SHPRH: variants seen among roughly 807,000 people sequenced by gnomAD.
SHPRH encodes the protein E3 ubiquitin-protein ligase SHPRH.
A neutral mutation model predicts 202.5 loss-of-function variants in SHPRH; 106 were observed. That is an observed-to-expected ratio of 0.52 (90% CI 0.45 to 0.62). SHPRH has a LOEUF of 0.62. SHPRH is among the 20% of genes least tolerant of loss of function. The pLI, the probability that SHPRH is intolerant of heterozygous loss-of-function variation, is 0.00. For missense variants in SHPRH, 1,710 were observed against 2,020.0 expected (o/e 0.85, Z 2.94); for synonymous variants, 729 against 686.0 (o/e 1.06, Z -0.98).
chr6:145,923,607 A>T (rs6923545), intron 18 of SHPRH, 36 bp downstream of exon 18: 1 of 1,600,470 alleles, frequency 6.2e-7, no homozygotes, highest in Non-Finnish European at 8.5e-7. Flanking sequence ...TGCTTTTAAA[A>T]TTATGAGTAG....
intron 14 of SHPRH, 94 bp downstream of exon 14, chr6:145,932,963 A>AT: frequency 9.0e-7 from 1 of 1,115,718 alleles, no homozygotes. Flanking sequence ...TGGGGGAAAA[A>AT]TCCCCCCCCC....
At chr6:145,880,904 A>G (rs1780534764), downstream of SHPRH, among the ~76,000 whole-genome samples, 1 of 152,182 alleles carries the variant, frequency 6.6e-6, no homozygotes, top group South Asian at 2.1e-4. Flanking sequence ...TAAAAACTTA[A>G]CTAGAATAAA....
chr6:145,879,880 C>A (rs1213351796), downstream of SHPRH, among the ~76,000 whole-genome samples: 1 of 141,816 alleles, frequency 7.1e-6, no homozygotes, highest in African/African-American at 2.6e-5. Context: ...CCATTGCACT[C>A]CAGCCTGGGT....
Position 145,921,311 on chromosome 6 carries a change from G to C in SHPRH, c.3864C>G (p.Thr1288=). 1.2e-6 allele frequency: 2 copies of C among 1,612,902 alleles called. No individual in the cohort carries two copies. Among genetic ancestry groups the C allele is most frequent in the Non-Finnish European group, 1.7e-6 (2 of 1,179,334 alleles). Reference sequence around the variant, plus strand: ...TCTCACTTATTGCCCAGAGACCCCGGGTGGTGGTAGGTGCTCGATCATCCA... The same window carrying C: ...TCTCACTTATTGCCCAGAGACCCCGCGTGGTGGTAGGTGCTCGATCATCCA... The part of the protein sequence containing the change: ...GLVDDRAPTT[T]RGLWAISETE... Residue 1288 remains threonine, a synonymous_variant, in exon 21 of 30, where the codon ACC becomes ACG. Transcript: ENST00000275233.
intron 5 of SHPRH, 117 bp from the exon 6 acceptor site, chr6:145,947,760 A>C: frequency 7.8e-7 from 1 of 1,283,868 alleles, no homozygotes; most frequent in Middle Eastern, 2.0e-4. Flanking sequence ...GTTTATTGAA[A>C]CTATATTTTA....
intron 25 of SHPRH, among the ~76,000 whole-genome samples, chr6:145,899,308 G>A (rs1293608391): frequency 6.6e-6 from 1 of 152,036 alleles, no homozygotes; most frequent in Non-Finnish European, 1.5e-5. Flanking sequence ...TAAAACTACA[G>A]TAATAAAAAT....
Position 145,893,280 on chromosome 6 carries a change from C to T in SHPRH, c.4809G>A (p.Glu1603=), listed in dbSNP as rs753453906. Residue 1603 remains glutamate (E), a synonymous_variant, in exon 28 of 30, where the codon GAG becomes GAA. Coordinates refer to ENST00000275233, the MANE Select transcript of SHPRH (RefSeq NM_001042683.3). ...GCTCATGGGCAGGGTTCAATATGGG[C>T]TCCACCAAGAGAACATGAGTTGCTT... ...IIEATHVLLV[E]PILNPAHELQ... The T allele has an allele frequency of 4.4e-6, 7 of 1,605,302 alleles. No individual in the cohort carries two copies. The highest frequency in any genetic ancestry group is 5.1e-6 in the Non-Finnish European group (6 of 1,176,346).
In SHPRH at chr6:145,919,357, T is replaced by C; in HGVS notation, c.4143A>G (p.Glu1381=). The change falls in exon 22 of 30, where the codon GAA becomes GAG. Residue 1381 remains glutamate, a synonymous_variant. Coordinates refer to ENST00000275233, the MANE Select transcript of SHPRH (RefSeq NM_001042683.3). ...KPNPPVLHII[E]PHEVEQNRIK... is the part of the protein sequence containing the mutation. ...TTTACTTGCCAATTACCTCATGTGG[T>C]TCAATGATATGAAGAACAGGCGGAT... 1 of 1,612,926 alleles carries C rather than the reference T, an allele frequency of 6.2e-7. No homozygotes were observed. Among genetic ancestry groups the C allele is most frequent in the Non-Finnish European group, 8.5e-7 (1 of 1,179,244 alleles).
At chr6:145,859,418 G>A (rs1386759085), downstream of SHPRH, among the ~76,000 whole-genome samples, 1 of 151,844 alleles carries the variant, frequency 6.6e-6, no homozygotes, top group Non-Finnish European at 1.5e-5. Context: ...TAGTTCAATT[G>A]CACATTGAAC....
downstream of SHPRH, among the ~76,000 whole-genome samples, chr6:145,859,436 CATT>C (rs1435218944): frequency 6.6e-6 from 1 of 151,882 alleles, no homozygotes; most frequent in African/African-American, 2.4e-5. Flanking sequence ...AACTATACAT[CATT>C]ATTATGTTCA....
At chr6:145,904,456 T>A (rs1357340302) in intron 25 of SHPRH, 2 of 152,048 alleles carry the variant, frequency 1.3e-5, no homozygotes, top group Non-Finnish European at 2.9e-5. Flanking sequence ...TACATACTAA[T>A]CCAAAATAGG....
intron 25 of SHPRH, among the ~76,000 whole-genome samples, chr6:145,897,603 C>T (rs1782127380): frequency 6.6e-6 from 1 of 152,030 alleles, no homozygotes; most frequent in African/African-American, 2.4e-5. Flanking sequence ...AGGCCAGTGT[C>T]TCTGATGAAA....
intron 2 of SHPRH, among the ~76,000 whole-genome samples, chr6:145,873,841 A>G (rs550770319): frequency 6.6e-6 from 1 of 152,228 alleles, no homozygotes; most frequent in South Asian, 2.1e-4. Flanking sequence ...GAGACAGGTG[A>G]AGACTTTTCA....
chr6:145,960,840 T>C (rs902095209), intron 1 of SHPRH, among the ~76,000 whole-genome samples: 3 of 152,142 alleles, frequency 2.0e-5, no homozygotes, highest in Non-Finnish European at 4.4e-5. Context: ...ATGGGTTTCA[T>C]GGAAGACAAG....
chr6:145,931,814 C>T lies in SHPRH; in HGVS notation c.3112+1243G>A, dbSNP rs182884103. Among the ~76,000 whole-genome samples the T allele has an allele frequency of 1.6e-3, 247 of 152,110 alleles. 2 individuals are homozygous for T. Among genetic ancestry groups the T allele is most frequent in the Non-Finnish European group, 1.1e-3 (76 of 68,002 alleles). On this transcript the variant is annotated intron_variant, in intron 14 of 29. Transcript: ENST00000275233. ...ATAATCTTACAATATTATACATCCA[C>T]GTCTCCCCACACAGACTTTGTATCA...
At chr6:145,921,424 CT>C in intron 20 of SHPRH, 32 bp from the exon 21 acceptor site, 3 of 1,598,128 alleles carry the variant, frequency 1.9e-6, no homozygotes, top group Non-Finnish European at 2.6e-6. Flanking sequence ...ACAACAGTAA[CT>C]GGTATCAGTG....
At chr6:145,891,438 C>T (rs1781556735) in intron 28 of SHPRH, among the ~76,000 whole-genome samples, 2 of 152,134 alleles carry the variant, frequency 1.3e-5, no homozygotes, top group South Asian at 4.1e-4. Flanking sequence ...CTTTTACTTC[C>T]TCACCCTGCT....
chr6:145,917,940 A>G (rs1272304787), intron 23 of SHPRH, 191 bp downstream of exon 23: 6 of 425,132 alleles, frequency 1.4e-5, no homozygotes, highest in African/African-American at 1.0e-4. Context: ...TATCATCTGC[A>G]TAATAAATTT....
the SHPRH span, among the ~76,000 whole-genome samples, chr6:145,857,890 A>T: frequency 2.0e-5 from 3 of 152,146 alleles, no homozygotes; most frequent in Admixed American, 1.3e-4. Flanking sequence ...CAATCAACAC[A>T]ATTAAAACGT....
Sources: gnomAD v4.1 joint callset for allele counts (sites outside exome capture counted in the v4.1 genomes callset) on GRCh38, gnomAD v4.1.1 for gene constraint, MANE v1.5 for transcripts, NCBI Gene and HGNC (gene_info 2026-07-23, HGNC 2026-07-21) for gene names.